Variants in PRKG1 observed in about 807,000 individuals in gnomAD.
PRKG1 encodes cGMP-dependent protein kinase 1.
Under a neutral mutation model 88.1 loss-of-function variants are expected in PRKG1, and 35 were observed. The ratio of observed to expected loss-of-function variants is 0.40; its 90% CI spans 0.30 to 0.53. PRKG1 has a LOEUF of 0.53. Among genes scored for constraint, PRKG1 ranks in the 20% least tolerant of loss-of-function variants. The pLI is 0.59. For synonymous variants in PRKG1, 303 were observed against 292.5 expected (o/e 1.04, Z -0.37); for missense variants, 540 against 839.8 (o/e 0.64, Z 4.41).
chr10:51,245,454 A>C (rs1482461472), intron 2 of PRKG1: 1 of 152,074 alleles, frequency 6.6e-6, no homozygotes, highest in Non-Finnish European at 1.5e-5. Flanking sequence ...CAGTAGTTAA[A>C]AGTAATTTAG....
intron 3 of PRKG1, among the ~76,000 whole-genome samples, chr10:51,668,187 T>C (rs1235091492): frequency 6.6e-6 from 1 of 152,222 alleles, no homozygotes; most frequent in Non-Finnish European, 1.5e-5. Flanking sequence ...TATGCTCAGC[T>C]GCAGGAAGTA....
chr10:52,205,493 C>T (rs1839795506), intron 9 of PRKG1, among the ~76,000 whole-genome samples: 1 of 151,984 alleles, frequency 6.6e-6, no homozygotes, highest in Non-Finnish European at 1.5e-5. Flanking sequence ...GTGAGTTCCC[C>T]CAGTAATAAT....
At chr10:52,129,838 C>G (rs1445508400) in intron 7 of PRKG1, among the ~76,000 whole-genome samples, 1 of 152,120 alleles carries the variant, frequency 6.6e-6, no homozygotes, top group African/African-American at 2.4e-5. Context: ...TAATGATGGA[C>G]AGTGAATACT....
chr10:52,169,017 A>G (rs956747325), intron 9 of PRKG1, among the ~76,000 whole-genome samples: 3 of 152,184 alleles, frequency 2.0e-5, no homozygotes, highest in African/African-American at 7.2e-5. Flanking sequence ...TCGATGTTAG[A>G]TAGTAATTGT....
chr10:51,578,026 C>G (rs1837932845), intron 3 of PRKG1, among the ~76,000 whole-genome samples: 1 of 152,036 alleles, frequency 6.6e-6, no homozygotes, highest in Non-Finnish European at 1.5e-5. Context: ...TAATCATGTT[C>G]ATTTTCAGGA....
intron 1 of PRKG1, among the ~76,000 whole-genome samples, chr10:51,034,375 C>A (rs1203282274): frequency 6.6e-6 from 1 of 151,900 alleles, no homozygotes; most frequent in African/African-American, 2.4e-5. Flanking sequence ...GTGAGACAGA[C>A]AGAATATTAT....
intron 3 of PRKG1, among the ~76,000 whole-genome samples, chr10:51,774,233 G>T (rs1838378630): frequency 6.6e-6 from 1 of 151,968 alleles, no homozygotes; most frequent in Admixed American, 6.6e-5. Flanking sequence ...GGCTTCTTTA[G>T]CTCTATAACA....
chr10:52,143,168 T>G (rs2132653258), intron 8 of PRKG1, among the ~76,000 whole-genome samples: 1 of 152,268 alleles, frequency 6.6e-6, no homozygotes, highest in East Asian at 1.9e-4. Context: ...CTAACACTAC[T>G]CCTGTGAGAG....
chr10:51,108,702 T>C (rs895693626), intron 1 of PRKG1, among the ~76,000 whole-genome samples: 1 of 152,164 alleles, frequency 6.6e-6, no homozygotes, highest in East Asian at 1.9e-4. Context: ...ATTTTTCCCC[T>C]AAGATCAGGA....
At chr10:52,221,875 G>A (rs1335246649) in intron 9 of PRKG1, among the ~76,000 whole-genome samples, 1 of 152,188 alleles carries the variant, frequency 6.6e-6, no homozygotes, top group Non-Finnish European at 1.5e-5. Flanking sequence ...TAAAAATTAA[G>A]GGAGATATTT....
chr10:51,152,082 C>A (rs1846087180), intron 1 of PRKG1, among the ~76,000 whole-genome samples: 2 of 152,020 alleles, frequency 1.3e-5, no homozygotes, highest in Non-Finnish European at 2.9e-5. Context: ...TCTGATAGTG[C>A]TCTGATTGTC....
chr10:51,393,688 G>A (rs939795830), intron 2 of PRKG1, among the ~76,000 whole-genome samples: 2 of 152,094 alleles, frequency 1.3e-5, no homozygotes, highest in African/African-American at 2.4e-5. Context: ...AGAATTTCAC[G>A]TTTTGACTTC....
intron 2 of PRKG1, among the ~76,000 whole-genome samples, chr10:51,373,661 T>A (rs921174375): frequency 6.6e-6 from 1 of 152,042 alleles, no homozygotes; most frequent in African/African-American, 2.4e-5. Flanking sequence ...CCATCAATGA[T>A]AGACTGGATT....
At chr10:51,287,657 G>C (rs1302051412) in intron 2 of PRKG1, among the ~76,000 whole-genome samples, 1 of 152,202 alleles carries the variant, frequency 6.6e-6, no homozygotes. Flanking sequence ...AGAGAAGGTG[G>C]TCAGGGAAAG....
intron 2 of PRKG1, among the ~76,000 whole-genome samples, chr10:51,431,663 C>T (rs554854837): frequency 9.2e-5 from 14 of 152,132 alleles, no homozygotes; most frequent in African/African-American, 3.4e-4. Flanking sequence ...TGGGGGGCTA[C>T]AAATGCCAGT....
chr10:51,013,105 G>C (rs1315499056), intron 1 of PRKG1, among the ~76,000 whole-genome samples: 2 of 152,200 alleles, frequency 1.3e-5, no homozygotes, highest in Admixed American at 1.3e-4. Context: ...GGTAGTAAAG[G>C]TTAGAGGTTA....
intron 7 of PRKG1, among the ~76,000 whole-genome samples, chr10:52,065,960 G>A (rs560632764): frequency 5.7e-4 from 86 of 152,128 alleles, no homozygotes; most frequent in Non-Finnish European, 9.7e-4. Flanking sequence ...AACTGAGGTC[G>A]CAAGTGGAAT....
At chr10:50,996,105 C>A (rs1041550634) in intron 1 of PRKG1, among the ~76,000 whole-genome samples, 4 of 152,162 alleles carry the variant, frequency 2.6e-5, no homozygotes, top group Non-Finnish European at 4.4e-5. Flanking sequence ...ATACACAATG[C>A]TATAAAATAG....
chr10:51,445,462 A>C (rs1839243430), intron 2 of PRKG1, among the ~76,000 whole-genome samples: 4 of 151,894 alleles, frequency 2.6e-5, no homozygotes, highest in Non-Finnish European at 4.4e-5. Flanking sequence ...TTATCAAGGA[A>C]ACCATTTTTC....
Sources: allele counts gnomAD v4.1 joint callset (sites outside exome capture counted in the v4.1 genomes callset), GRCh38; gene constraint gnomAD v4.1.1; transcripts MANE v1.5; gene names NCBI Gene and HGNC (gene_info 2026-07-23, HGNC 2026-07-21).